Variants in ADGRB3 observed in about 807,000 individuals in gnomAD.
ADGRB3 encodes adhesion G protein-coupled receptor B3.
In ADGRB3, 37 loss-of-function variants were observed where a neutral mutation model predicts 193.4. That is an observed-to-expected ratio of 0.19 (90% CI 0.15 to 0.25). The LOEUF (loss-of-function observed/expected upper bound fraction) is 0.25. Ranked by LOEUF, ADGRB3 falls within the 10% of genes least tolerant of loss-of-function variation. The pLI, the probability that ADGRB3 is intolerant of heterozygous loss-of-function variation, is 1.00. For synonymous variants in ADGRB3, 690 were observed against 644.2 expected (o/e 1.07, Z -1.08); for missense variants, 1,637 against 1,852.9 (o/e 0.88, Z 2.14).
chr6:69,134,748 T>C (rs1774104759), intron 17 of ADGRB3, among the ~76,000 whole-genome samples: 1 of 151,918 alleles, frequency 6.6e-6, no homozygotes, highest in Non-Finnish European at 1.5e-5. Context: ...TGTATATATG[T>C]ATGGTGTGTG....
At chr6:69,156,585 TC>T (rs1410806413) in intron 17 of ADGRB3, among the ~76,000 whole-genome samples, 2 of 152,118 alleles carry the variant, frequency 1.3e-5, no homozygotes, top group Non-Finnish European at 2.9e-5. Flanking sequence ...AGGGATATGT[TC>T]AGAAAGCATT....
At chr6:69,110,850 T>A (rs1329858881) in intron 17 of ADGRB3, among the ~76,000 whole-genome samples, 3 of 152,172 alleles carry the variant, frequency 2.0e-5, no homozygotes, top group Non-Finnish European at 2.9e-5. Context: ...CATATTTAAA[T>A]CTTGTTCACC....
At position 68,910,124 on chromosome 6, in the gene ADGRB3, T is replaced by G. The variant is rs1040527517; in HGVS notation, c.758-20435T>G. Reference sequence around the variant, plus strand: ...TAACTGGTGTGAGATGGTATCTCATTGTGGTTTTGATTTGCAATTCTCTGA... The same window carrying G: ...TAACTGGTGTGAGATGGTATCTCATGGTGGTTTTGATTTGCAATTCTCTGA... On this transcript the variant is annotated intron_variant, in intron 3 of 31. Coordinates refer to ENST00000370598, the MANE Select transcript of ADGRB3 (RefSeq NM_001704.3). 2.0e-5 allele frequency among the ~76,000 whole-genome samples: 3 copies of G among 152,300 alleles called. No individual in the cohort carries two copies. The East Asian group carries it at 5.8e-4, about 29-fold the overall frequency.
chr6:68,802,759 A>G (rs1173305921), intron 3 of ADGRB3, among the ~76,000 whole-genome samples: 3 of 152,218 alleles, frequency 2.0e-5, no homozygotes, highest in Non-Finnish European at 2.9e-5. Context: ...TGGGAACCCA[A>G]GGAATTAGAT....
At chr6:68,900,237 C>G (rs979517196) in intron 3 of ADGRB3, among the ~76,000 whole-genome samples, 3 of 152,078 alleles carry the variant, frequency 2.0e-5, no homozygotes, top group African/African-American at 7.2e-5. Context: ...AAAACAATTA[C>G]TAAAACTATA....
intron 3 of ADGRB3, among the ~76,000 whole-genome samples, chr6:68,906,464 C>T (rs896701880): frequency 3.0e-4 from 46 of 151,738 alleles, no homozygotes; most frequent in African/African-American, 1.1e-3. Flanking sequence ...CATCATTGAC[C>T]ATGTGCCATA....
chr6:69,319,495 T>C (rs972270216), intron 20 of ADGRB3, among the ~76,000 whole-genome samples: 3 of 151,330 alleles, frequency 2.0e-5, no homozygotes, highest in African/African-American at 7.3e-5. Context: ...ATCAATATTA[T>C]TATTTCCTCC....
chr6:69,275,137 T>A (rs549757064), intron 20 of ADGRB3, among the ~76,000 whole-genome samples: 1 of 152,272 alleles, frequency 6.6e-6, no homozygotes, highest in East Asian at 1.9e-4. Context: ...TCCAAGTCTA[T>A]GATGTAGGGC....
At chr6:69,157,103 T>G (rs767050296) in intron 17 of ADGRB3, among the ~76,000 whole-genome samples, 4 of 152,222 alleles carry the variant, frequency 2.6e-5, no homozygotes, top group Non-Finnish European at 5.9e-5. Flanking sequence ...TGCAACTGTG[T>G]GCAGATTACT....
At chr6:69,181,697 A>G (rs1376222761) in intron 17 of ADGRB3, among the ~76,000 whole-genome samples, 1 of 152,214 alleles carries the variant, frequency 6.6e-6, no homozygotes, top group African/African-American at 2.4e-5. Flanking sequence ...TTGCTTCGTC[A>G]ATGATTACTA....
intron 28 of ADGRB3, 43 bp from the exon 29 acceptor site, chr6:69,360,826 A>C (rs1769433788): frequency 6.7e-6 from 10 of 1,501,160 alleles, no homozygotes; most frequent in Non-Finnish European, 8.9e-6. Flanking sequence ...AAAAATAAAC[A>C]CACATTAACT....
At chr6:69,367,888 C>T (rs971328605) in intron 29 of ADGRB3, among the ~76,000 whole-genome samples, 53 of 150,926 alleles carry the variant, frequency 3.5e-4, no homozygotes, top group Non-Finnish European at 5.2e-4. Flanking sequence ...CGTAAACTAT[C>T]GCAAGAACAA....
intron 17 of ADGRB3, among the ~76,000 whole-genome samples, chr6:69,148,159 C>G (rs1774559331): frequency 6.6e-6 from 1 of 151,630 alleles, no homozygotes; most frequent in Non-Finnish European, 1.5e-5. Context: ...GGACTTACTC[C>G]TGCTATTTGT....
At chr6:68,764,695 T>C (rs1766474644) in intron 3 of ADGRB3, among the ~76,000 whole-genome samples, 1 of 152,208 alleles carries the variant, frequency 6.6e-6, no homozygotes, top group African/African-American at 2.4e-5. Flanking sequence ...ATATTCTTTT[T>C]TATTTAATAG....
At chr6:69,042,170 A>T (rs530202570) in intron 13 of ADGRB3, among the ~76,000 whole-genome samples, 1 of 152,200 alleles carries the variant, frequency 6.6e-6, no homozygotes, top group Non-Finnish European at 1.5e-5. Flanking sequence ...CCTTTCTGCC[A>T]TGATTGTAAG....
At chr6:68,823,084 C>T (rs546919940) in intron 3 of ADGRB3, among the ~76,000 whole-genome samples, 3 of 152,060 alleles carry the variant, frequency 2.0e-5, no homozygotes, top group Admixed American at 2.0e-4. Context: ...TACATTCACA[C>T]TGTGGAATAT....
intron 11 of ADGRB3, among the ~76,000 whole-genome samples, chr6:69,001,225 A>G (rs1186317833): frequency 1.3e-5 from 2 of 152,226 alleles, no homozygotes; most frequent in Non-Finnish European, 1.5e-5. Flanking sequence ...TAATTAAACT[A>G]TGCAGTCAAA....
chr6:69,054,669 C>A (rs530694), intron 15 of ADGRB3, among the ~76,000 whole-genome samples: 1 of 151,838 alleles, frequency 6.6e-6, no homozygotes, highest in East Asian at 1.9e-4. Context: ...TTTAAAATCT[C>A]GGTTTAGTTT....
intron 3 of ADGRB3, among the ~76,000 whole-genome samples, chr6:68,643,080 G>T (rs1768119801): frequency 2.6e-5 from 4 of 152,122 alleles, no homozygotes; most frequent in African/African-American, 9.7e-5. Context: ...CACATAATAA[G>T]CCTTAATGGA....
Sources: allele counts gnomAD v4.1 joint callset (sites outside exome capture counted in the v4.1 genomes callset), GRCh38; gene constraint gnomAD v4.1.1; transcripts MANE v1.5; gene names NCBI Gene and HGNC (gene_info 2026-07-23, HGNC 2026-07-21).